The following CDH18 variants were observed in gnomAD, a reference collection of about 807,000 sequenced individuals.
CDH18 encodes the protein cadherin-18.
Under a neutral mutation model 67.9 loss-of-function variants are expected in CDH18, and 31 were observed. The ratio of observed to expected loss-of-function variants is 0.46; its 90% CI spans 0.34 to 0.62. CDH18 has a LOEUF of 0.62. CDH18 is among the 20% of genes least tolerant of loss of function. The pLI is 0.01. For synonymous variants in CDH18, 362 were observed against 347.2 expected, an observed-to-expected ratio of 1.04 and a Z score of -0.48; for missense variants, 890 against 975.5, an observed-to-expected ratio of 0.91 and a Z score of 1.17.
At chr5:19,785,486 C>T (rs954970373) in intron 3 of CDH18, among the ~76,000 whole-genome samples, 1 of 149,730 alleles carries the variant, frequency 6.7e-6, no homozygotes, top group Non-Finnish European at 1.5e-5. Flanking sequence ...AACCCCGTCT[C>T]TACTAAAAAT....
intron 1 of CDH18, among the ~76,000 whole-genome samples, chr5:20,491,613 T>G (rs1346734350): frequency 6.6e-6 from 1 of 152,132 alleles, no homozygotes; most frequent in Non-Finnish European, 1.5e-5. Context: ...GTAGGACAAG[T>G]CCAAAGAGCA....
intron 8 of CDH18, among the ~76,000 whole-genome samples, chr5:19,564,286 C>G (rs1739980658): frequency 6.6e-6 from 1 of 152,226 alleles, no homozygotes; most frequent in Non-Finnish European, 1.5e-5. Context: ...CCCCCAACCG[C>G]AGGCAGTGCA....
chr5:19,799,545 T>C (rs1168611315), intron 3 of CDH18, among the ~76,000 whole-genome samples: 1 of 152,018 alleles, frequency 6.6e-6, no homozygotes, highest in Non-Finnish European at 1.5e-5. Context: ...TGTGGTGATG[T>C]CATGGGTATA....
At chr5:20,532,144 A>G (rs1364680783) in intron 1 of CDH18, among the ~76,000 whole-genome samples, 1 of 152,270 alleles carries the variant, frequency 6.6e-6, no homozygotes, top group South Asian at 2.1e-4. Flanking sequence ...TAGCTATCTC[A>G]TTAAAAATGA....
At chr5:19,861,820 G>C (rs1320853187) in intron 2 of CDH18, among the ~76,000 whole-genome samples, 2 of 152,136 alleles carry the variant, frequency 1.3e-5, no homozygotes, top group Non-Finnish European at 2.9e-5. Context: ...TTTCTTTATA[G>C]TGGGTGGGAG....
chr5:19,523,189 A>G (rs926520476), intron 9 of CDH18, among the ~76,000 whole-genome samples: 1 of 152,158 alleles, frequency 6.6e-6, no homozygotes, highest in African/African-American at 2.4e-5. Flanking sequence ...TTACACAAAA[A>G]CATGTTTTAA....
chr5:20,232,692 G>A (rs1329363470), intron 2 of CDH18, among the ~76,000 whole-genome samples: 1 of 152,058 alleles, frequency 6.6e-6, no homozygotes, highest in African/African-American at 2.4e-5. Context: ...TTATAGGCAT[G>A]TGAAGACAAT....
intron 1 of CDH18, among the ~76,000 whole-genome samples, chr5:20,429,195 G>A (rs1450171213): frequency 6.6e-6 from 1 of 151,930 alleles, no homozygotes; most frequent in South Asian, 2.1e-4. Context: ...TCCTGACTCT[G>A]CAGGTTGAGA....
At chr5:20,202,661 T>G (rs578008655) in intron 2 of CDH18, among the ~76,000 whole-genome samples, 1 of 152,142 alleles carries the variant, frequency 6.6e-6, no homozygotes, top group African/African-American at 2.4e-5. Flanking sequence ...CTTTTTATTT[T>G]TTATTTTTAT....
At chr5:20,137,235 T>G (rs1749808966) in intron 2 of CDH18, among the ~76,000 whole-genome samples, 1 of 152,166 alleles carries the variant, frequency 6.6e-6, no homozygotes, top group African/African-American at 2.4e-5. Context: ...GATGTAGACT[T>G]GCTCTTTTCA....
intron 1 of CDH18, among the ~76,000 whole-genome samples, chr5:20,344,432 C>G (rs1740537722): frequency 6.6e-6 from 1 of 152,048 alleles, no homozygotes; most frequent in African/African-American, 2.4e-5. Flanking sequence ...CCTTTACTAA[C>G]TGGGTAGAAG....
At chr5:20,390,386 A>G (rs192782525) in intron 1 of CDH18, among the ~76,000 whole-genome samples, 99 of 152,336 alleles carry the variant, frequency 6.5e-4, no homozygotes, top group Admixed American at 1.2e-3. Context: ...CACATGAAAA[A>G]ATGCTCATCA....
At chr5:20,052,569 C>T (rs1423756892) in intron 2 of CDH18, among the ~76,000 whole-genome samples, 1 of 151,962 alleles carries the variant, frequency 6.6e-6, no homozygotes, top group Non-Finnish European at 1.5e-5. Flanking sequence ...TATAGAACCT[C>T]TACAAAACCC....
chr5:19,606,713 C>T (rs1580458163), intron 6 of CDH18, among the ~76,000 whole-genome samples: 1 of 151,746 alleles, frequency 6.6e-6, no homozygotes, highest in East Asian at 1.9e-4. Context: ...AAAGACCTAG[C>T]TGACATACTT....
intron 8 of CDH18, among the ~76,000 whole-genome samples, chr5:19,569,348 A>C (rs941857810): frequency 3.9e-5 from 6 of 152,114 alleles, no homozygotes; most frequent in Non-Finnish European, 7.4e-5. Flanking sequence ...TCTTCAGCTC[A>C]TTGCCTCCAG....
At chr5:19,941,589 C>A (rs1794823383) in intron 2 of CDH18, among the ~76,000 whole-genome samples, 1 of 151,740 alleles carries the variant, frequency 6.6e-6, no homozygotes, top group African/African-American at 2.4e-5. Flanking sequence ...TGAGAACAAC[C>A]TAGGCAACAT....
intron 2 of CDH18, among the ~76,000 whole-genome samples, chr5:19,882,027 T>A (rs1787717057): frequency 6.6e-6 from 1 of 152,170 alleles, no homozygotes; most frequent in South Asian, 2.1e-4. Context: ...TGATGTCACA[T>A]ACAAATGTGA....
chr5:19,703,217 A>C (rs372579964), intron 5 of CDH18, among the ~76,000 whole-genome samples: 1 of 152,044 alleles, frequency 6.6e-6, no homozygotes, highest in African/African-American at 2.4e-5. Context: ...CATGGGGCTC[A>C]AACCTGGGTC....
At chr5:20,110,189 G>A (rs1747338828) in intron 2 of CDH18, among the ~76,000 whole-genome samples, 1 of 152,182 alleles carries the variant, frequency 6.6e-6, no homozygotes, top group Admixed American at 6.5e-5. Flanking sequence ...ATTGAAATAT[G>A]TGTCTACCAA....
Sources: allele counts gnomAD v4.1 joint callset (sites outside exome capture counted in the v4.1 genomes callset), GRCh38; gene constraint gnomAD v4.1.1; transcripts MANE v1.5; gene names NCBI Gene and HGNC (gene_info 2026-07-23, HGNC 2026-07-21).